The following GRIA4 variants were observed in gnomAD, a reference collection of about 807,000 sequenced individuals.
The protein encoded by GRIA4 is glutamate ionotropic receptor AMPA type subunit 4, also known as glutamate receptor 4.
In GRIA4, 34 loss-of-function variants were observed where a neutral mutation model predicts 104.0. The observed-to-expected ratio is 0.33, with a 90% CI of 0.25 to 0.44. The LOEUF is 0.44. Ranked by LOEUF, GRIA4 falls within the 20% of genes least tolerant of loss-of-function variation. The pLI, the probability that GRIA4 is intolerant of heterozygous loss-of-function variation, is 1.00. For synonymous variants in GRIA4, 386 were observed against 381.9 expected (o/e 1.01, Z -0.13); for missense variants, 750 against 1,096.5 (o/e 0.68, Z 4.46).
intron 9 of GRIA4, among the ~76,000 whole-genome samples, chr11:105,909,023 A>T (rs1020821206): frequency 9.9e-5 from 15 of 152,168 alleles, no homozygotes; most frequent in Non-Finnish European, 2.1e-4. Flanking sequence ...TCACATAATT[A>T]TTAATAAATG....
At chr11:105,854,450 G>T (rs1944937574) in intron 4 of GRIA4, among the ~76,000 whole-genome samples, 1 of 152,126 alleles carries the variant, frequency 6.6e-6, no homozygotes, top group Non-Finnish European at 1.5e-5. Context: ...GAGAGCAGTG[G>T]ATGACGTCAG....
At chr11:105,817,660 G>T (rs1007461223) in intron 4 of GRIA4, among the ~76,000 whole-genome samples, 4 of 151,890 alleles carry the variant, frequency 2.6e-5, no homozygotes, top group African/African-American at 9.7e-5. Context: ...AATATTTTCT[G>T]TAAATTCAGT....
intron 3 of GRIA4, among the ~76,000 whole-genome samples, chr11:105,670,752 C>G (rs1952334306): frequency 6.6e-6 from 1 of 152,096 alleles, no homozygotes; most frequent in South Asian, 2.1e-4. Flanking sequence ...GGGATCAAAG[C>G]CAATGCCTTC....
chr11:105,718,346 A>G (rs544705709), intron 3 of GRIA4, among the ~76,000 whole-genome samples: 1 of 152,304 alleles, frequency 6.6e-6, no homozygotes, highest in East Asian at 1.9e-4. Context: ...TAATTCACAG[A>G]TGACTGATGC....
intron 5 of GRIA4, among the ~76,000 whole-genome samples, chr11:105,883,278 T>A (rs76581144): frequency 1.8e-5 from 2 of 113,836 alleles, no homozygotes; most frequent in Non-Finnish European, 3.7e-5. Context: ...CACCGTTTCT[T>A]TTTTTTTTTT....
At chr11:105,714,422 C>T (rs1283750287) in intron 3 of GRIA4, among the ~76,000 whole-genome samples, 1 of 152,026 alleles carries the variant, frequency 6.6e-6, no homozygotes, top group Non-Finnish European at 1.5e-5. Context: ...TGCTTCCCTA[C>T]AATAAATAAG....
At chr11:105,939,967 C>A (rs1948142185) in intron 14 of GRIA4, among the ~76,000 whole-genome samples, 1 of 152,094 alleles carries the variant, frequency 6.6e-6, no homozygotes, top group African/African-American at 2.4e-5. Context: ...TTACAACAGG[C>A]CAAGAAGAGA....
At chr11:105,784,876 G>A (rs1941890189) in intron 4 of GRIA4, among the ~76,000 whole-genome samples, 2 of 152,108 alleles carry the variant, frequency 1.3e-5, no homozygotes, top group Non-Finnish European at 2.9e-5. Flanking sequence ...AAAGAGTACA[G>A]CCATGATTTG....
intron 4 of GRIA4, among the ~76,000 whole-genome samples, chr11:105,852,714 T>C (rs1367689361): frequency 6.6e-6 from 1 of 152,172 alleles, no homozygotes; most frequent in Non-Finnish European, 1.5e-5. Flanking sequence ...CTAGTCTCAG[T>C]AGGATATAAA....
intron 4 of GRIA4, among the ~76,000 whole-genome samples, chr11:105,845,922 T>C (rs1306551260): frequency 1.3e-5 from 2 of 151,842 alleles, no homozygotes; most frequent in African/African-American, 4.8e-5. Context: ...AAACAAAAAC[T>C]ATCCCATAGA....
chr11:105,889,369 T>A (rs1036690589), intron 6 of GRIA4, among the ~76,000 whole-genome samples: 7 of 152,196 alleles, frequency 4.6e-5, no homozygotes, highest in African/African-American at 1.7e-4. Context: ...GTGGTTGATA[T>A]CTTTGTAACA....
intron 3 of GRIA4, among the ~76,000 whole-genome samples, chr11:105,700,071 C>T (rs1953431235): frequency 6.6e-6 from 1 of 152,192 alleles, no homozygotes; most frequent in African/African-American, 2.4e-5. Context: ...CATATTTATA[C>T]TGCCCAATAA....
At chr11:105,954,491 A>C (rs547838206) in intron 14 of GRIA4, among the ~76,000 whole-genome samples, 3 of 152,168 alleles carry the variant, frequency 2.0e-5, no homozygotes, top group African/African-American at 7.2e-5. Context: ...ATCATCTTAC[A>C]CCCAGAGATT....
intron 3 of GRIA4, chr11:105,706,648 C>T (rs189809802): frequency 1.1e-3 from 161 of 152,822 alleles, no homozygotes; most frequent in Non-Finnish European, 9.7e-4. Context: ...TGTTGCCAAT[C>T]CAGGGGAAAT....
At chr11:105,662,863 A>G (rs1266554006) in intron 3 of GRIA4, among the ~76,000 whole-genome samples, 1 of 151,882 alleles carries the variant, frequency 6.6e-6, no homozygotes, top group Non-Finnish European at 1.5e-5. Flanking sequence ...AGAGCAACAG[A>G]AGGGCCCTCT....
At chr11:105,694,435 A>G (rs1366702781) in intron 3 of GRIA4, among the ~76,000 whole-genome samples, 1 of 152,056 alleles carries the variant, frequency 6.6e-6, no homozygotes. Context: ...GCGTAAGTCA[A>G]TGCTCCCGGC....
At chr11:105,909,976 T>G (rs945077726) in intron 9 of GRIA4, among the ~76,000 whole-genome samples, 2 of 152,202 alleles carry the variant, frequency 1.3e-5, no homozygotes, top group African/African-American at 4.8e-5. Flanking sequence ...TGTTTTGCTT[T>G]AAAAATATAC....
At chr11:105,785,089 A>C (rs1016367300) in intron 4 of GRIA4, among the ~76,000 whole-genome samples, 1 of 152,144 alleles carries the variant, frequency 6.6e-6, no homozygotes, top group Non-Finnish European at 1.5e-5. Flanking sequence ...TCCAAAACAC[A>C]CTTGTGCCGG....
rs546143938 is a variant in GRIA4, at chr11:105,674,515, T to C, written c.247+62081T>C. On this transcript the variant is annotated intron_variant, in intron 3 of 16. Coordinates refer to ENST00000282499, the MANE Select transcript of GRIA4 (RefSeq NM_000829.4). ...ATAGTAGTAACACTGTGGCCAAATA[T>C]AGGCTATAGTATAATGCAGTCACTG... Among the ~76,000 whole-genome samples, 7 of 151,892 alleles carry C rather than the reference T, an allele frequency of 4.6e-5. No individual in the cohort carries two copies. In the East Asian group the frequency reaches 5.8e-4, roughly 13 times the overall value.
Sources: allele counts gnomAD v4.1 joint callset (sites outside exome capture counted in the v4.1 genomes callset), GRCh38; gene constraint gnomAD v4.1.1; transcripts MANE v1.5; gene names NCBI Gene and HGNC (gene_info 2026-07-23, HGNC 2026-07-21).